GIPC2: variants seen among roughly 807,000 people sequenced by gnomAD.
The protein encoded by GIPC2 is PDZ domain-containing protein GIPC2.
GIPC2 carries 30 observed loss-of-function variants against 30.6 expected under a neutral mutation model. That is an observed-to-expected ratio of 0.98 (90% CI 0.73 to 1.33). The LOEUF is 1.33. Among genes scored for constraint, GIPC2 ranks in the 40% most tolerant of loss-of-function variants. The pLI is 0.00. For synonymous variants in GIPC2, 167 were observed against 150.0 expected (o/e 1.11, Z -0.83); for missense variants, 414 against 390.3 (o/e 1.06, Z -0.51).
chr1:78,054,163 C>T (rs1026652406), intron 1 of GIPC2, among the ~76,000 whole-genome samples: 6 of 152,144 alleles, frequency 3.9e-5, no homozygotes, highest in Non-Finnish European at 8.8e-5. Context: ...CCTGTAATTT[C>T]CTCCAAGAAG....
At chr1:78,071,176 A>T (rs7543451) in intron 1 of GIPC2, among the ~76,000 whole-genome samples, 7,931 of 152,258 alleles carry the variant, frequency 0.052, 361 homozygotes, top group African/African-American at 0.12. Context: ...TAGTACATGC[A>T]TTATACTGGG....
chr1:78,070,166 T>C (rs539680576), intron 1 of GIPC2, among the ~76,000 whole-genome samples: 1 of 152,316 alleles, frequency 6.6e-6, no homozygotes, highest in South Asian at 2.1e-4. Flanking sequence ...ATGGCAATCT[T>C]TTACAAGTTA....
At chr1:78,078,165 G>A (rs1245117718) in intron 1 of GIPC2, among the ~76,000 whole-genome samples, 3 of 125,138 alleles carry the variant, frequency 2.4e-5, no homozygotes, top group African/African-American at 9.4e-5. Flanking sequence ...TCCAGCCTGG[G>A]CGACAGAGCG....
intron 5 of GIPC2, among the ~76,000 whole-genome samples, chr1:78,135,372 C>T (rs1662981023): frequency 1.3e-5 from 2 of 152,148 alleles, no homozygotes; most frequent in East Asian, 1.9e-4. Context: ...CAGCTGCAAA[C>T]CTGGGTTCAG....
chr1:78,127,077 T>C (rs977471143), intron 5 of GIPC2, among the ~76,000 whole-genome samples: 3 of 152,216 alleles, frequency 2.0e-5, no homozygotes, highest in African/African-American at 4.8e-5. Flanking sequence ...GGTTTATGTC[T>C]GCATGCATCC....
At chr1:78,058,514 A>G (rs555392470) in intron 1 of GIPC2, among the ~76,000 whole-genome samples, 47 of 152,342 alleles carry the variant, frequency 3.1e-4, no homozygotes, top group African/African-American at 9.4e-4. Context: ...TGAAGATGAC[A>G]TAGCCCCATC....
intron 2 of GIPC2, among the ~76,000 whole-genome samples, chr1:78,085,991 A>G (rs913124242): frequency 7.4e-6 from 1 of 135,674 alleles, no homozygotes; most frequent in Non-Finnish European, 1.5e-5. Flanking sequence ...TTGCGTCTCT[A>G]GTTCTCTTAG....
At chr1:78,082,286 C>A (rs1378371586) in intron 2 of GIPC2, among the ~76,000 whole-genome samples, 1 of 152,166 alleles carries the variant, frequency 6.6e-6, no homozygotes, top group African/African-American at 2.4e-5. Flanking sequence ...TGATAGATTT[C>A]ATGCAACAGG....
At chr1:78,089,882 A>G (rs1238503201) in intron 2 of GIPC2, among the ~76,000 whole-genome samples, 3 of 152,206 alleles carry the variant, frequency 2.0e-5, no homozygotes. Context: ...GCAACTACTT[A>G]ACTAAGCCCA....
chr1:78,077,484 A>G (rs542550253), intron 1 of GIPC2, among the ~76,000 whole-genome samples: 74 of 152,320 alleles, frequency 4.9e-4, no homozygotes, highest in African/African-American at 1.7e-3. Context: ...AAAGCAACAA[A>G]TACAGATTAC....
At position 78,122,085 on chromosome 1, in the gene GIPC2, A is replaced by G. The variant is rs187645852; in HGVS notation, c.714+2586A>G. 2.6e-5 allele frequency among the ~76,000 whole-genome samples: 4 copies of G among 152,350 alleles called. No individual in the cohort carries two copies. The East Asian group carries it at 5.8e-4, about 22-fold the overall frequency. On this transcript the variant is annotated intron_variant, in intron 4 of 5. Transcript: ENST00000370759. ...CACCTGCTGTGGCAAAGGTGCCTGA[A>G]TGGAAAAGGAGCAGCTTAAGATCTA... is the stretch of plus-strand genomic sequence containing the variant.
At chr1:78,108,065 AG>A (rs1662394194) in intron 3 of GIPC2, among the ~76,000 whole-genome samples, 1 of 152,196 alleles carries the variant, frequency 6.6e-6, no homozygotes, top group South Asian at 2.1e-4. Flanking sequence ...GGGAAGGTCC[AG>A]GCTGTGTAAT....
intron 3 of GIPC2, among the ~76,000 whole-genome samples, chr1:78,100,315 A>G (rs1662217346): frequency 6.6e-6 from 1 of 152,240 alleles, no homozygotes; most frequent in South Asian, 2.1e-4. Flanking sequence ...GGATATTTAT[A>G]AAAGAGAAAT....
chr1:78,045,467 T>C (rs992540257), upstream of GIPC2: 1 of 659,926 alleles, frequency 1.5e-6, no homozygotes, highest in African/African-American at 2.0e-5. Flanking sequence ...GTGCTGAATG[T>C]TGGGAGAGGA....
intron 3 of GIPC2, among the ~76,000 whole-genome samples, chr1:78,097,806 C>A (rs1662166036): frequency 6.6e-6 from 1 of 152,258 alleles, no homozygotes; most frequent in East Asian, 1.9e-4. Flanking sequence ...GTGTGTGTAC[C>A]AGGAACCATT....
intron 1 of GIPC2, among the ~76,000 whole-genome samples, chr1:78,051,218 T>G (rs1367912594): frequency 6.6e-6 from 1 of 152,094 alleles, no homozygotes; most frequent in Non-Finnish European, 1.5e-5. Context: ...TCATCATTAT[T>G]GATCCTTGGA....
At chr1:78,126,613 T>G (rs953476709) in intron 5 of GIPC2, among the ~76,000 whole-genome samples, 1 of 152,100 alleles carries the variant, frequency 6.6e-6, no homozygotes, top group African/African-American at 2.4e-5. Context: ...AGACCTTGGC[T>G]TCAAGAATGG....
At chr1:78,051,754 C>T (rs1445795134) in intron 1 of GIPC2, among the ~76,000 whole-genome samples, 2 of 152,186 alleles carry the variant, frequency 1.3e-5, no homozygotes, top group Non-Finnish European at 2.9e-5. Context: ...CTCGGCCTCC[C>T]AAAGTGCTAG....
chr1:78,135,972 T>C lies in GIPC2; in HGVS notation c.*229T>C, dbSNP rs575183455. ...TGACCTAAATAAGGATCAATTGTAA[T>C]ATTCATTCAAAAGGTTTTTAAAAGT... On this transcript the variant is annotated 3_prime_UTR_variant, in exon 6 of 6. Transcript: ENST00000370759. 2 of 363,202 alleles carry C rather than the reference T, an allele frequency of 5.5e-6. No individual in the cohort carries two copies. Among genetic ancestry groups the C allele is most frequent in the African/African-American group, 4.2e-5 (2 of 47,292 alleles). The allele number at this position is 363,202 out of a possible 1,614,324, so 22.5% of individuals were successfully genotyped here.
Sources: allele counts gnomAD v4.1 joint callset (sites outside exome capture counted in the v4.1 genomes callset), GRCh38; gene constraint gnomAD v4.1.1; transcripts MANE v1.5; gene names NCBI Gene and HGNC (gene_info 2026-07-23, HGNC 2026-07-21).